The following APBA1 variants were observed in gnomAD, a reference collection of about 807,000 sequenced individuals.
The protein encoded by APBA1 is amyloid beta precursor protein binding family A member 1.
APBA1 carries 55 observed loss-of-function variants against 86.6 expected under a neutral mutation model. The observed-to-expected ratio is 0.64, with a 90% CI of 0.51 to 0.80. The LOEUF is 0.80. Among genes scored for constraint, APBA1 ranks in the 30% least tolerant of loss-of-function variants. The pLI, the probability that APBA1 is intolerant of heterozygous loss-of-function variation, is 0.00. For missense variants in APBA1, 1,090 were observed against 1,183.0 expected (o/e 0.92, Z 1.15); for synonymous variants, 511 against 493.9 (o/e 1.03, Z -0.46).
chr9:69,435,888 T>C (rs1179717468), intron 11 of APBA1, among the ~76,000 whole-genome samples: 1 of 152,148 alleles, frequency 6.6e-6, no homozygotes, highest in Non-Finnish European at 1.5e-5. Context: ...CTGAATGGTA[T>C]TGCCTAGGGT....
At chr9:69,465,421 C>T (rs1169028023) in intron 5 of APBA1, 2 of 152,218 alleles carry the variant, frequency 1.3e-5, no homozygotes, top group African/African-American at 4.8e-5. Context: ...AAGTTCTCTG[C>T]TTTATACAAA....
intron 1 of APBA1, among the ~76,000 whole-genome samples, chr9:69,667,046 T>G (rs1823854032): frequency 6.6e-6 from 1 of 152,230 alleles, no homozygotes. Flanking sequence ...AACCATATTC[T>G]ACCATTACAG....
At chr9:69,536,341 G>A (rs940245931) in intron 1 of APBA1, among the ~76,000 whole-genome samples, 3 of 151,862 alleles carry the variant, frequency 2.0e-5, no homozygotes, top group Non-Finnish European at 4.4e-5. Context: ...AGGGAGAATG[G>A]TGTAATGATT....
chr9:69,517,004 C>A lies in APBA1; in HGVS notation c.207G>T (p.Glu69Asp). Residue 69 changes from glutamate (E) to aspartate (D), a missense_variant, in exon 2 of 13, where the codon GAG becomes GAT. By Grantham distance (45) the Glu-to-Asp change is conservative (BLOSUM62 2). Coordinates refer to ENST00000265381, the MANE Select transcript of APBA1 (RefSeq NM_001163.4). The stretch of plus-strand genomic sequence containing the variant: ...AGCGCGCCAGGCATTCCCCGCGCTC[C>A]TCTTCCTCCTGGCCGAGCTGGGCGC... ...DLRAQLGQEE[E>D]ERGECLARSA... 6.3e-7 allele frequency: 1 copy of A among 1,579,686 alleles called. No homozygotes were observed.
At chr9:69,441,191 A>C in intron 10 of APBA1, 76 bp from the exon 11 acceptor site, 3 of 1,527,734 alleles carry the variant, frequency 2.0e-6, no homozygotes, top group South Asian at 1.2e-5. Context: ...GCAGCACCAA[A>C]GGCAAAAGAA....
chr9:69,568,554 C>T (rs867871297), intron 1 of APBA1, among the ~76,000 whole-genome samples: 2 of 152,152 alleles, frequency 1.3e-5, no homozygotes, highest in Non-Finnish European at 2.9e-5. Context: ...TAAGTATTTC[C>T]GTGCTTCTTC....
intron 4 of APBA1, among the ~76,000 whole-genome samples, chr9:69,469,354 C>T (rs1434719568): frequency 6.6e-6 from 1 of 152,206 alleles, no homozygotes; most frequent in Non-Finnish European, 1.5e-5. Flanking sequence ...GTTTACACAG[C>T]TGCTTCCTGT....
At chr9:69,580,979 G>A (rs1407346722) in intron 1 of APBA1, among the ~76,000 whole-genome samples, 1 of 152,208 alleles carries the variant, frequency 6.6e-6, no homozygotes, top group East Asian at 1.9e-4. Flanking sequence ...ATGCCTCTGT[G>A]AGCCTCTGAT....
chr9:69,613,921 G>A (rs80289521), intron 1 of APBA1, among the ~76,000 whole-genome samples: 4,053 of 152,086 alleles, frequency 0.027, 80 homozygotes, highest in African/African-American at 0.05. Flanking sequence ...CTGTCTTCCC[G>A]TAAGGAGAAG....
chr9:69,497,838 C>T (rs1835823988), intron 2 of APBA1, among the ~76,000 whole-genome samples: 1 of 152,114 alleles, frequency 6.6e-6, no homozygotes, highest in African/African-American at 2.4e-5. Flanking sequence ...ATCTGCAAAT[C>T]TGCCTCATCT....
intron 1 of APBA1, among the ~76,000 whole-genome samples, chr9:69,558,559 C>T (rs1836898964): frequency 7.3e-6 from 1 of 137,558 alleles, no homozygotes; most frequent in African/African-American, 2.9e-5. Flanking sequence ...CACACACACA[C>T]ACATATATAT....
chr9:69,587,084 C>CT lies in APBA1; in HGVS notation c.-69-69806dup, dbSNP rs375807375. 8.1e-3 allele frequency among the ~76,000 whole-genome samples: 1,226 copies of CT among 152,188 alleles called. 15 individuals are homozygous for CT. Among genetic ancestry groups the CT allele is most frequent in the African/African-American group, 0.028 (1,156 of 41,508 alleles). Reference sequence around the variant, plus strand: ...TGCTGTTGTAGTGAACATTTTTGTCCTTTTTTTGCCACTGGCATCCATTCA... The same window carrying CT: ...TGCTGTTGTAGTGAACATTTTTGTCCTTTTTTTTGCCACTGGCATCCATTCA... On this transcript the variant is annotated intron_variant, in intron 1 of 12. Coordinates refer to ENST00000265381, the MANE Select transcript of APBA1 (RefSeq NM_001163.4).
intron 2 of APBA1, among the ~76,000 whole-genome samples, chr9:69,476,996 G>A (rs1012563617): frequency 3.0e-4 from 46 of 152,192 alleles, no homozygotes; most frequent in Admixed American, 2.9e-3. Flanking sequence ...ATACAGACCC[G>A]GAAAACACTC....
At chr9:69,569,742 G>T (rs1837085665) in intron 1 of APBA1, among the ~76,000 whole-genome samples, 1 of 152,162 alleles carries the variant, frequency 6.6e-6, no homozygotes, top group Admixed American at 6.5e-5. Context: ...TGTTATAGGG[G>T]TGAATGCCAG....
chr9:69,446,345 T>C (rs1834907760), intron 10 of APBA1, among the ~76,000 whole-genome samples: 1 of 152,188 alleles, frequency 6.6e-6, no homozygotes, highest in Non-Finnish European at 1.5e-5. Flanking sequence ...AGCTGTGCTC[T>C]AATCGGGGTC....
intron 1 of APBA1, among the ~76,000 whole-genome samples, chr9:69,548,409 G>T (rs143470865): frequency 1.0e-3 from 155 of 152,280 alleles, no homozygotes; most frequent in African/African-American, 3.6e-3. Context: ...AAGATAATAG[G>T]TTTTTGTTGT....
intron 1 of APBA1, among the ~76,000 whole-genome samples, chr9:69,591,568 C>T (rs1822129059): frequency 1.3e-5 from 2 of 152,170 alleles, no homozygotes; most frequent in Admixed American, 1.3e-4. Flanking sequence ...CCTGTAACCA[C>T]CTGATGGCAG....
At chr9:69,640,039 A>AC (rs1823255022) in intron 1 of APBA1, among the ~76,000 whole-genome samples, 4 of 152,150 alleles carry the variant, frequency 2.6e-5, no homozygotes, top group Non-Finnish European at 4.4e-5. Flanking sequence ...GATAAAGAAC[A>AC]TCCTACAGGA....
Position 69,654,112 on chromosome 9 carries a change from CAAAA to C in APBA1, c.-70+18037_-70+18040del, listed in dbSNP as rs34666773. On this transcript the variant is annotated intron_variant, in intron 1 of 12. Coordinates refer to ENST00000265381, the MANE Select transcript of APBA1 (RefSeq NM_001163.4). Reference sequence around the variant, plus strand: ...CGGCAACGAGAGCGAAACTCCATCTCAAAAAAAAAAAAAAAAAAAAAGAGGGAAG... The same window carrying C: ...CGGCAACGAGAGCGAAACTCCATCTCAAAAAAAAAAAAAAAAAGAGGGAAG... Among the ~76,000 whole-genome samples the C allele has an allele frequency of 8.3e-5, 5 of 60,416 alleles. No individual in the cohort carries two copies. The East Asian group carries it at 2.2e-3, about 27-fold the overall frequency. 39.6% of individuals were successfully genotyped at this position (60,416 alleles called of 152,430 possible). A position where few individuals can be genotyped will look rare whatever the true frequency, so the allele number is the denominator to read the frequency against.
Sources: allele counts gnomAD v4.1 joint callset (sites outside exome capture counted in the v4.1 genomes callset), GRCh38; gene constraint gnomAD v4.1.1; transcripts MANE v1.5; gene names NCBI Gene and HGNC (gene_info 2026-07-23, HGNC 2026-07-21).